The following PIP5KL1 variants were observed in gnomAD, a reference collection of about 807,000 sequenced individuals.
PIP5KL1 encodes phosphatidylinositol 4-phosphate 5-kinase-like protein 1.
A neutral mutation model predicts 47.6 loss-of-function variants in PIP5KL1; 45 were observed. The observed-to-expected ratio is 0.94, with a 90% CI of 0.74 to 1.21. PIP5KL1 has a LOEUF of 1.21. Among genes scored for constraint, PIP5KL1 ranks in the 50% most tolerant of loss-of-function variants. PIP5KL1 has a pLI of 0.00. For synonymous variants in PIP5KL1, 256 were observed against 234.6 expected, an observed-to-expected ratio of 1.09 and a Z score of -0.84; for missense variants, 577 against 547.6, an observed-to-expected ratio of 1.05 and a Z score of -0.54.
chr9:127,921,991 C>T lies in PIP5KL1; in HGVS notation c.1041G>A (p.Val347=), dbSNP rs112065257. 32 of 1,577,450 alleles carry T rather than the reference C, an allele frequency of 2.0e-5. 1 individual carries two copies. The highest frequency in any genetic ancestry group is 1.9e-4 in the African/African-American group (14 of 74,062). The part of the protein sequence containing the change: ...GPEQRYFLGV[V]DLATVYGLRK... ...GGAGCCCGTAGACTGTGGCGAGATC[C>T]ACGACGCCCAGGAAATAGCGCTGCT... The change falls in exon 10 of 10, where the codon GTG becomes GTA. Residue 347 remains valine, a synonymous_variant. Transcript: ENST00000388747.
chr9:127,921,836 C>A lies in PIP5KL1; in HGVS notation c.*11G>T. On this transcript the variant is annotated 3_prime_UTR_variant, in exon 10 of 10. Coordinates refer to ENST00000388747, the MANE Select transcript of PIP5KL1 (RefSeq NM_001135219.2). ...CATCGTCCAGATCCGGAGAGTGGGG[C>A]CGGGCGCCCGTCACTCCGTGTGCGC... The A allele has an allele frequency of 6.4e-7, 1 of 1,566,254 alleles. No homozygotes were observed. The highest frequency in any genetic ancestry group is 8.6e-7 in the Non-Finnish European group (1 of 1,161,836).
At position 127,927,761 on chromosome 9, in the gene PIP5KL1, C is replaced by A; in HGVS notation, c.446G>T (p.Arg149Leu). ...KASFFLSHDQ[R>L]FFLKTQGRRE... is the part of the protein sequence containing the mutation. ...GCGCCCCTGGGTCTTCAGGAAGAAGCGCTGGTCGTGGCTGGGGGGCAAGAG... is the reference window on the plus strand; with the variant it reads ...GCGCCCCTGGGTCTTCAGGAAGAAGAGCTGGTCGTGGCTGGGGGGCAAGAG... Residue 149 changes from arginine to leucine, a missense_variant, in exon 5 of 10, where the codon CGC becomes CTC. Coordinates refer to ENST00000388747, the MANE Select transcript of PIP5KL1 (RefSeq NM_001135219.2). This position sits in a 1 kb window ranked among gnomAD's most constrained non-coding sequence, Gnocchi z 5.5. 1 of 1,562,000 alleles carries A rather than the reference C, an allele frequency of 6.4e-7. No individual in the cohort carries two copies. Among genetic ancestry groups the A allele is most frequent in the Non-Finnish European group, 8.7e-7 (1 of 1,154,318 alleles).
chr9:127,926,741 C>T (rs10987774), intron 7 of PIP5KL1, among the ~76,000 whole-genome samples: 1 of 152,222 alleles, frequency 6.6e-6, no homozygotes, highest in Non-Finnish European at 1.5e-5. Context: ...GGCAACAGGA[C>T]GGCTTGGGGG....
Position 127,921,749 on chromosome 9 carries a change from A to T in PIP5KL1, c.*98T>A. 1.4e-6 allele frequency: 2 copies of T among 1,434,152 alleles called. No homozygotes were observed. Among genetic ancestry groups the T allele is most frequent in the Non-Finnish European group, 1.8e-6 (2 of 1,084,458 alleles). 88.8% of individuals were successfully genotyped at this position (1,434,152 alleles called of 1,614,324 possible). The stretch of plus-strand genomic sequence containing the variant: ...TAGGGGATGCTGCCCTCTGGCGACC[A>T]TCAGGAGGAAGCGCAGGCGAGATGC... On this transcript the variant is annotated 3_prime_UTR_variant, in exon 10 of 10. Coordinates refer to ENST00000388747, the MANE Select transcript of PIP5KL1 (RefSeq NM_001135219.2).
At position 127,922,014 on chromosome 9, in the gene PIP5KL1, G is replaced by T; in HGVS notation, c.1018C>A (p.Gln340Lys). 1.3e-6 allele frequency: 2 copies of T among 1,575,092 alleles called. No individual in the cohort carries two copies. Among genetic ancestry groups the T allele is most frequent in the Non-Finnish European group, 8.6e-7 (1 of 1,161,516 alleles). ...TCCACGACGCCCAGGAAATAGCGCT[G>T]CTCGGGCCCGTCCAGGATGTGTAGG... Reference protein sequence around the residue: ...NALHILDGPEQRYFLGVVDLA... With the variant: ...NALHILDGPEKRYFLGVVDLA... The change falls in exon 10 of 10, where the codon CAG becomes AAG. Residue 340 changes from glutamine to lysine, a missense_variant. Transcript: ENST00000388747.
rs1233373368 is a variant in PIP5KL1, at chr9:127,927,280, G to A, written c.594+17C>T. On this transcript the variant is annotated intron_variant, in intron 6 of 9. Transcript: ENST00000388747. This position sits in a 1 kb window ranked among gnomAD's most constrained non-coding sequence, Gnocchi z 5.5. Reference sequence around the variant, plus strand: ...GCCGCCCGCTCCGCCCAGCCACCTCGCCTCGGCTTCACCCACCTTCTTTCC... The same window carrying A: ...GCCGCCCGCTCCGCCCAGCCACCTCACCTCGGCTTCACCCACCTTCTTTCC... 1 of 1,611,390 alleles carries A rather than the reference G, an allele frequency of 6.2e-7. No homozygotes were observed. Among genetic ancestry groups the A allele is most frequent in the East Asian group, 2.2e-5 (1 of 44,808 alleles).
At position 127,925,926 on chromosome 9, in the gene PIP5KL1, C is replaced by T. The variant is rs1831355118; in HGVS notation, c.704G>A (p.Gly235Asp). 6.2e-7 allele frequency: 1 copy of T among 1,614,068 alleles called. No homozygotes were observed. The highest frequency in any genetic ancestry group is 1.7e-5 in the Admixed American group (1 of 60,030). Residue 235 changes from glycine (G) to aspartate (D), a missense_variant, in exon 8 of 10, where the codon GGC (glycine) becomes GAC (aspartate). Physicochemically the swap from Gly to Asp is moderately conservative, Grantham distance 94 (BLOSUM62 -1). Coordinates refer to ENST00000388747, the MANE Select transcript of PIP5KL1 (RefSeq NM_001135219.2). The part of the protein sequence containing the change: ...VSRWVDPAPE[G>D]SPLVLVLKDL... ...CTTCAGCACCAGAACAAGGGGGCTG[C>T]CCTCAGGGGCGGGATCCACCCAGCG...
In PIP5KL1 at chr9:127,928,473, G is replaced by C; in HGVS notation, c.239C>G (p.Ser80Cys). 1 of 1,596,372 alleles carries C rather than the reference G, an allele frequency of 6.3e-7. No homozygotes were observed. Among genetic ancestry groups the C allele is most frequent in the Non-Finnish European group, 8.5e-7 (1 of 1,173,078 alleles). Residue 80 changes from serine (S) to cysteine (C), a missense_variant, in exon 3 of 10, where the codon TCC (serine) becomes TGC (cysteine). Ser to Cys is a moderately radical substitution (Grantham distance 112). Coordinates refer to ENST00000388747, the MANE Select transcript of PIP5KL1 (RefSeq NM_001135219.2). ...SMDHPPTGPP[S>C]RDDFSEVLTQ... ...TAGGACCTCCGAGAAATCGTCCCGG[G>C]AGGGCGGCCCCTGCAGGGAGAGGTA... is the stretch of plus-strand genomic sequence containing the variant.
At chr9:127,930,614 G>A (rs1831421636) in intron 1 of PIP5KL1, 109 bp downstream of exon 1, 2 of 1,311,362 alleles carry the variant, frequency 1.5e-6, no homozygotes, top group Non-Finnish European at 2.0e-6. Flanking sequence ...CGGCTGCAGG[G>A]CCCCTCCCAG....
chr9:127,921,872 T>TGGC lies in PIP5KL1; in HGVS notation c.1157_1159dup (p.Cys386_Gln387insArg), dbSNP rs772455433. The TGGC allele has an allele frequency of 5.7e-6, 9 of 1,574,966 alleles. No individual in the cohort carries two copies. The highest frequency in any genetic ancestry group is 7.7e-6 in the Non-Finnish European group (9 of 1,165,142). On this transcript the variant is annotated inframe_insertion, in exon 10 of 10. Coordinates refer to ENST00000388747, the MANE Select transcript of PIP5KL1 (RefSeq NM_001135219.2). ...TCACTCCGTGTGCGCCTCCACCCAC[T>TGGC]GGCAGAGGCGACGGGCGTAGCGAGC...
chr9:127,927,680 C>T lies in PIP5KL1; in HGVS notation c.527G>A (p.Arg176Gln), dbSNP rs1831383426. 1 of 1,544,074 alleles carries T rather than the reference C, an allele frequency of 6.5e-7. No homozygotes were observed. Among genetic ancestry groups the T allele is most frequent in the Non-Finnish European group, 8.7e-7 (1 of 1,146,384 alleles). ...HLPRYVQHLQ[R>Q]HPHSLLARLL... is the part of the protein sequence containing the mutation. Reference sequence around the variant, plus strand: ...CCGCGCCAGCAGCGAGTGCGGGTGCCGCTGCAGGTGCTGCACGTAGCGGGG... The same window carrying T: ...CCGCGCCAGCAGCGAGTGCGGGTGCTGCTGCAGGTGCTGCACGTAGCGGGG... Residue 176 changes from arginine to glutamine, a missense_variant, in exon 5 of 10, where the codon CGG becomes CAG. Transcript: ENST00000388747. This position sits in a 1 kb window ranked among gnomAD's most constrained non-coding sequence, Gnocchi z 5.5.
rs1410253538 is a variant in PIP5KL1 at position 127,921,677 on chromosome 9, G to A, written c.*170C>T. On this transcript the variant is annotated 3_prime_UTR_variant, in exon 10 of 10. Transcript: ENST00000388747. ...GTAGGGGAGTCCTTGGCACGATGCT[G>A]GGCACGGCACCACCGTCAAACGGGA... The A allele has an allele frequency of 3.3e-6, 3 of 913,194 alleles. No individual in the cohort carries two copies. The Admixed American group carries it at 8.8e-5, about 27-fold the overall frequency. The allele number at this position is 913,194 out of a possible 1,614,324, so 56.6% of individuals were successfully genotyped here. A position where few individuals can be genotyped will look rare whatever the true frequency, so the allele number is the denominator to read the frequency against.
intron 2 of PIP5KL1, chr9:127,928,844 G>A: frequency 3.5e-6 from 1 of 284,020 alleles, no homozygotes; most frequent in South Asian, 5.2e-5. Context: ...CCTGCCTGAT[G>A]CAACCTGGGA....
At chr9:127,923,023 C>T (rs1033826145) in intron 9 of PIP5KL1, among the ~76,000 whole-genome samples, 2 of 152,222 alleles carry the variant, frequency 1.3e-5, no homozygotes, top group Non-Finnish European at 2.9e-5. Flanking sequence ...TCTTTGGAGT[C>T]ATCCAACCCC....
In PIP5KL1 at chr9:127,922,068, G is replaced by T; in HGVS notation, c.964C>A (p.Arg322Ser). 1 of 1,562,162 alleles carries T rather than the reference G, an allele frequency of 6.4e-7. No individual in the cohort carries two copies. Residue 322 changes from arginine (R) to serine (S), a missense_variant, in exon 10 of 10, where the codon CGC becomes AGC. Transcript: ENST00000388747. ...QSPEESRAQN[R>S]RLLPDAPNAL... The stretch of plus-strand genomic sequence containing the variant: ...TTGGGGGCGTCGGGCAGCAGCCGGC[G>T]GTTTTGGGCTCTCGACTCTTCCGGG...
rs1588685009 is a variant in PIP5KL1, at chr9:127,927,327, C to T, written c.564G>A (p.Val188=). Residue 188 remains valine (V), a synonymous_variant, in exon 6 of 10, where the codon GTG becomes GTA. Coordinates refer to ENST00000388747, the MANE Select transcript of PIP5KL1 (RefSeq NM_001135219.2). This position sits in a 1 kb window ranked among gnomAD's most constrained non-coding sequence, Gnocchi z 5.5. ...TTCCCCGGTCCACCCGCAGACTGTG[C>T]ACTCCTGGAAGGGGAGAGGGCGCCG... ...PHSLLARLLG[V]HSLRVDRGKK... is the part of the protein sequence containing the mutation. 1 of 1,609,086 alleles carries T rather than the reference C, an allele frequency of 6.2e-7. No homozygotes were observed. The highest frequency in any genetic ancestry group is 2.2e-5 in the East Asian group (1 of 44,800).
Position 127,929,344 on chromosome 9 carries a change from G to C in PIP5KL1, c.228+344C>G, listed in dbSNP as rs973574116. ...AGAGGATGGGCTAGGCCAGCAGGGT[G>C]GGGGTGGGGGTCCCTTTTCAACCAT... On this transcript the variant is annotated intron_variant, in intron 2 of 9. Coordinates refer to ENST00000388747, the MANE Select transcript of PIP5KL1 (RefSeq NM_001135219.2). This position sits in a 1 kb window ranked among gnomAD's most constrained non-coding sequence, Gnocchi z 4.0. Among the ~76,000 whole-genome samples, 4 of 152,076 alleles carry C rather than the reference G, an allele frequency of 2.6e-5. No homozygotes were observed. The highest frequency in any genetic ancestry group is 9.7e-5 in the African/African-American group (4 of 41,392).
At position 127,925,494 on chromosome 9, in the gene PIP5KL1, C is replaced by T. The variant is rs547233974; in HGVS notation, c.764-234G>A. On this transcript the variant is annotated intron_variant, in intron 8 of 9. Transcript: ENST00000388747. The stretch of plus-strand genomic sequence containing the variant: ...TTTATTTTATTTTTTGAGACAGAGT[C>T]TTGCTCTGTCGCACAGGCTGGAGTG... 5.7e-4 allele frequency: 302 copies of T among 528,198 alleles called. 1 individual carries two copies. Among genetic ancestry groups the T allele is most frequent in the African/African-American group, 5.4e-3 (281 of 52,444 alleles). 32.7% of individuals were successfully genotyped at this position (528,198 alleles called of 1,614,324 possible).
chr9:127,921,687 C>G lies in PIP5KL1; in HGVS notation c.*160G>C. ...CCTTGGCACGATGCTGGGCACGGCA[C>G]CACCGTCAAACGGGACTGCGCGGTT... On this transcript the variant is annotated 3_prime_UTR_variant, in exon 10 of 10. Transcript: ENST00000388747. The G allele has an allele frequency of 2.0e-6, 2 of 1,017,078 alleles. No homozygotes were observed. Among genetic ancestry groups the G allele is most frequent in the Non-Finnish European group, 2.8e-6 (2 of 718,570 alleles). 63.0% of individuals were successfully genotyped at this position (1,017,078 alleles called of 1,614,324 possible).
Sources: gnomAD v4.1 joint callset for allele counts (sites outside exome capture counted in the v4.1 genomes callset) on GRCh38, gnomAD v4.1.1 for gene constraint, Gnocchi (gnomAD v3.1) non-coding constraint, MANE v1.5 for transcripts, NCBI Gene and HGNC (gene_info 2026-07-23, HGNC 2026-07-21) for gene names.